The following CFAP299 variants were observed in gnomAD, a reference collection of about 807,000 sequenced individuals.
CFAP299 encodes the protein cilia- and flagella-associated protein 299.
Under a neutral mutation model 27.0 loss-of-function variants are expected in CFAP299, and 21 were observed. The ratio of observed to expected loss-of-function variants is 0.78; its 90% CI spans 0.55 to 1.12. CFAP299 has a LOEUF of 1.12. Among genes scored for constraint, CFAP299 ranks in the 50% most tolerant of loss-of-function variants. CFAP299 has a pLI of 0.00. For missense variants in CFAP299, 310 were observed against 276.6 expected (o/e 1.12, Z -0.86); for synonymous variants, 104 against 98.1 (o/e 1.06, Z -0.36).
intron 2 of CFAP299, among the ~76,000 whole-genome samples, chr4:80,429,144 C>T (rs2110076870): frequency 6.6e-6 from 1 of 152,246 alleles, no homozygotes; most frequent in African/African-American, 2.4e-5. Flanking sequence ...ACATCCCACC[C>T]AGTATTCAAC....
intron 2 of CFAP299, among the ~76,000 whole-genome samples, chr4:80,551,429 A>G (rs1254192229): frequency 6.6e-6 from 1 of 152,180 alleles, no homozygotes; most frequent in East Asian, 1.9e-4. Flanking sequence ...AATAAAATAC[A>G]TTATAGAAAG....
intron 4 of CFAP299, among the ~76,000 whole-genome samples, chr4:80,909,469 A>T (rs1053313153): frequency 6.6e-5 from 10 of 152,036 alleles, no homozygotes; most frequent in Admixed American, 2.0e-4. Flanking sequence ...TATTAATAAC[A>T]TATAATTTGA....
At chr4:80,702,425 C>G (rs535737925) in intron 3 of CFAP299, among the ~76,000 whole-genome samples, 2 of 151,908 alleles carry the variant, frequency 1.3e-5, no homozygotes, top group South Asian at 4.1e-4. Context: ...CGACACTGAG[C>G]TGTTTTTTAA....
intron 2 of CFAP299, among the ~76,000 whole-genome samples, chr4:80,384,122 A>G (rs1280590210): frequency 6.6e-6 from 1 of 152,074 alleles, no homozygotes; most frequent in Non-Finnish European, 1.5e-5. Context: ...CATTTTTTAT[A>G]TCTTCCTTTA....
At chr4:80,856,854 T>A in intron 3 of CFAP299, among the ~76,000 whole-genome samples, 1 of 152,054 alleles carries the variant, frequency 6.6e-6, no homozygotes, top group Non-Finnish European at 1.5e-5. Context: ...TCCAGCTTTG[T>A]TCTTTTGGCT....
chr4:80,856,786 A>G (rs1284382728), intron 3 of CFAP299, among the ~76,000 whole-genome samples: 13 of 151,958 alleles, frequency 8.6e-5, no homozygotes, highest in South Asian at 2.1e-4. Context: ...TACCAGTACC[A>G]TGCTGTTTTG....
intron 2 of CFAP299, among the ~76,000 whole-genome samples, chr4:80,499,525 A>C (rs1021188599): frequency 6.6e-6 from 1 of 152,092 alleles, no homozygotes; most frequent in African/African-American, 2.4e-5. Context: ...TGCCTTGCTT[A>C]TCTTTTTCAT....
chr4:80,726,727 G>A (rs1026377377), intron 3 of CFAP299, among the ~76,000 whole-genome samples: 1 of 152,132 alleles, frequency 6.6e-6, no homozygotes, highest in African/African-American at 2.4e-5. Flanking sequence ...AAACATTGTG[G>A]GGACTGACTG....
intron 3 of CFAP299, among the ~76,000 whole-genome samples, chr4:80,591,104 AATTTTTTTTTTT>A (rs1379984156): frequency 1.4e-4 from 16 of 116,534 alleles, no homozygotes; most frequent in Admixed American, 9.2e-5. Flanking sequence ...TACTTTAGGA[AATTTTTTTTTTT>A]TTTTTTTTTT....
intron 3 of CFAP299, among the ~76,000 whole-genome samples, chr4:80,700,878 GA>G (rs1468053790): frequency 1.3e-5 from 2 of 151,936 alleles, no homozygotes; most frequent in Non-Finnish European, 2.9e-5. Context: ...AAATCACAAT[GA>G]AAACTAATAA....
At chr4:80,656,592 A>G (rs1413166290) in intron 3 of CFAP299, among the ~76,000 whole-genome samples, 1 of 152,182 alleles carries the variant, frequency 6.6e-6, no homozygotes, top group Non-Finnish European at 1.5e-5. Flanking sequence ...TCCATGGTGT[A>G]TATGTACCAC....
upstream of CFAP299, among the ~76,000 whole-genome samples, chr4:80,331,938 GC>G (rs1721957363): frequency 6.6e-6 from 1 of 152,154 alleles, no homozygotes; most frequent in Non-Finnish European, 1.5e-5. Context: ...TCTTTTAAAA[GC>G]TAGGTAAGGA....
intron 2 of CFAP299, among the ~76,000 whole-genome samples, chr4:80,365,130 A>G (rs1294201392): frequency 6.6e-6 from 1 of 152,140 alleles, no homozygotes; most frequent in Non-Finnish European, 1.5e-5. Flanking sequence ...CAGTGTTGGA[A>G]TTACTGGGTC....
chr4:80,826,212 C>A (rs1729976830), intron 3 of CFAP299, among the ~76,000 whole-genome samples: 1 of 150,738 alleles, frequency 6.6e-6, no homozygotes, highest in Non-Finnish European at 1.5e-5. Flanking sequence ...AAGCACAAAC[C>A]AAGTAGTTAT....
intron 3 of CFAP299, among the ~76,000 whole-genome samples, chr4:80,845,918 A>C (rs990590813): frequency 6.6e-6 from 1 of 152,138 alleles, no homozygotes; most frequent in Non-Finnish European, 1.5e-5. Context: ...AAGCATGCAA[A>C]TGACTCATGC....
At chr4:80,555,990 A>G (rs1484338522) in intron 2 of CFAP299, among the ~76,000 whole-genome samples, 1 of 152,122 alleles carries the variant, frequency 6.6e-6, no homozygotes, top group East Asian at 1.9e-4. Flanking sequence ...AAATAGCTCA[A>G]AAGAAAAAGA....
chr4:80,826,796 T>C (rs1730013391), intron 3 of CFAP299, among the ~76,000 whole-genome samples: 1 of 151,906 alleles, frequency 6.6e-6, no homozygotes, highest in Non-Finnish European at 1.5e-5. Context: ...TGATAGTTTA[T>C]ATATTAGTCC....
intron 3 of CFAP299, among the ~76,000 whole-genome samples, chr4:80,849,455 A>C (rs571036701): frequency 6.6e-6 from 1 of 152,320 alleles, no homozygotes; most frequent in African/African-American, 2.4e-5. Flanking sequence ...ATGATGGTTA[A>C]TTCTGTTTGA....
chr4:80,479,655 A>G (rs1470679058), intron 2 of CFAP299, among the ~76,000 whole-genome samples: 1 of 152,018 alleles, frequency 6.6e-6, no homozygotes, highest in Non-Finnish European at 1.5e-5. Flanking sequence ...ATCTATTCAA[A>G]TAATAAAGAA....
Sources: gnomAD v4.1 joint callset for allele counts (sites outside exome capture counted in the v4.1 genomes callset) on GRCh38, gnomAD v4.1.1 for gene constraint, MANE v1.5 for transcripts, NCBI Gene and HGNC (gene_info 2026-07-23, HGNC 2026-07-21) for gene names.